The following HMCN1 variants were observed in gnomAD, a reference collection of about 807,000 sequenced individuals.
HMCN1 encodes hemicentin 1.
In HMCN1, 321 loss-of-function variants were observed where a neutral mutation model predicts 625.9. The ratio of observed to expected loss-of-function variants is 0.51; its 90% CI spans 0.47 to 0.56. HMCN1 has a LOEUF of 0.56. Ranked by LOEUF, HMCN1 falls within the 20% of genes least tolerant of loss-of-function variation. The pLI is 0.00. For missense variants in HMCN1, 6,588 were observed against 6,887.3 expected (o/e 0.96, Z 1.54); for synonymous variants, 2,425 against 2,417.6 (o/e 1.00, Z -0.09).
intron 81 of HMCN1, 24 bp from the exon 82 acceptor site, chr1:186,125,580 G>A: frequency 6.4e-7 from 1 of 1,573,724 alleles, no homozygotes; most frequent in Non-Finnish European, 8.7e-7. Context: ...CTTCCTGGAT[G>A]ACTCTTTTTT....
chr1:186,097,500 TC>T (rs1227066301), intron 68 of HMCN1, among the ~76,000 whole-genome samples: 16 of 73,732 alleles, frequency 2.2e-4, no homozygotes, highest in African/African-American at 1.4e-3. Context: ...ACAATAGCTA[TC>T]AAAAAAAAAA....
At chr1:186,024,567 A>G (rs1654936581) in intron 36 of HMCN1, among the ~76,000 whole-genome samples, 1 of 152,162 alleles carries the variant, frequency 6.6e-6, no homozygotes, top group Non-Finnish European at 1.5e-5. Flanking sequence ...GGCGCTTAGG[A>G]GTCAGGCCAA....
intron 1 of HMCN1, among the ~76,000 whole-genome samples, chr1:185,844,798 C>T (rs1661709048): frequency 6.6e-6 from 1 of 152,080 alleles, no homozygotes; most frequent in Non-Finnish European, 1.5e-5. Context: ...CATAAATGGC[C>T]ACTTTTAGTT....
At chr1:186,154,108 C>T (rs1351935437) in intron 97 of HMCN1, 121 bp downstream of exon 97, 5 of 819,382 alleles carry the variant, frequency 6.1e-6, no homozygotes, top group Non-Finnish European at 1.0e-5. Context: ...TGTGTGTTGT[C>T]TATGCCTTTT....
intron 35 of HMCN1, among the ~76,000 whole-genome samples, chr1:186,021,529 C>T (rs746988494): frequency 5.3e-5 from 8 of 152,034 alleles, no homozygotes; most frequent in Non-Finnish European, 1.2e-4. Context: ...GAAGAGAGGA[C>T]TGACCTAGTT....
intron 1 of HMCN1, among the ~76,000 whole-genome samples, chr1:185,738,985 T>G (rs1653790115): frequency 6.6e-6 from 1 of 152,082 alleles, no homozygotes; most frequent in Admixed American, 6.5e-5. Flanking sequence ...GTAGTGAGCA[T>G]AGTACCTGAT....
Position 185,734,606 on chromosome 1 carries a change from G to A in HMCN1, c.-174G>A, listed in dbSNP as rs1169649029. The A allele has an allele frequency of 7.6e-6, 5 of 661,442 alleles. No homozygotes were observed. Among genetic ancestry groups the A allele is most frequent in the Non-Finnish European group, 1.1e-5 (4 of 374,286 alleles). 41.0% of individuals were successfully genotyped at this position (661,442 alleles called of 1,614,324 possible). ...CCCTGCCCTGCCCAACCCCTGGAGG[G>A]ATTCGAGTTTGGTGCTTGTCCCCGT... On this transcript the variant is annotated 5_prime_UTR_variant, in exon 1 of 107. Transcript: ENST00000271588.
chr1:185,856,941 G>A (rs1367698721), intron 2 of HMCN1, among the ~76,000 whole-genome samples: 2 of 152,126 alleles, frequency 1.3e-5, no homozygotes, highest in East Asian at 1.9e-4. Context: ...GATTCAAACA[G>A]GGACTTCATT....
At chr1:186,157,449 T>C (rs982367016) in intron 97 of HMCN1, among the ~76,000 whole-genome samples, 5 of 152,214 alleles carry the variant, frequency 3.3e-5, no homozygotes, top group Admixed American at 6.5e-5. Context: ...CTCAAACATA[T>C]ACTGAATCCT....
chr1:186,036,162 T>C (rs1211794348), intron 36 of HMCN1, among the ~76,000 whole-genome samples: 2 of 152,200 alleles, frequency 1.3e-5, no homozygotes, highest in African/African-American at 2.4e-5. Context: ...CTTCTCCTTA[T>C]TGTAACATTT....
At chr1:185,771,663 T>C (rs749530895) in intron 1 of HMCN1, among the ~76,000 whole-genome samples, 10 of 152,156 alleles carry the variant, frequency 6.6e-5, no homozygotes, top group Non-Finnish European at 2.9e-5. Flanking sequence ...TAGTCACTGA[T>C]TGGATTTGTA....
At chr1:186,061,504 G>A (rs1223978040) in intron 46 of HMCN1, among the ~76,000 whole-genome samples, 1 of 152,102 alleles carries the variant, frequency 6.6e-6, no homozygotes, top group East Asian at 1.9e-4. Flanking sequence ...AGGTTTGGGT[G>A]GGGACACAGA....
rs544090302 is a variant in HMCN1, at chr1:185,997,895, A to G, written c.3874+371A>G. Reference sequence around the variant, plus strand: ...TTCCATATTTATCTCAACCAGGCAGAGGTATAATTAGGACTATTCCTTTGT... The same window carrying G: ...TTCCATATTTATCTCAACCAGGCAGGGGTATAATTAGGACTATTCCTTTGT... On this transcript the variant is annotated intron_variant, in intron 25 of 106. Transcript: ENST00000271588. 5.9e-5 allele frequency among the ~76,000 whole-genome samples: 9 copies of G among 151,720 alleles called. No homozygotes were observed. In the South Asian group the frequency reaches 1.9e-3, roughly 32 times the overall value.
chr1:185,829,028 TAATAA>T (rs1170462777), intron 1 of HMCN1, among the ~76,000 whole-genome samples: 2 of 152,056 alleles, frequency 1.3e-5, no homozygotes, highest in East Asian at 1.9e-4. Flanking sequence ...AACTATTAGT[TAATAA>T]AATAAAATGT....
At chr1:186,172,850 T>A (rs534581462) in intron 102 of HMCN1, among the ~76,000 whole-genome samples, 5 of 152,054 alleles carry the variant, frequency 3.3e-5, no homozygotes, top group African/African-American at 1.2e-4. Flanking sequence ...ATGAGGAGAA[T>A]GAAACACCAT....
chr1:185,923,644 A>C lies in HMCN1; in HGVS notation c.1276A>C (p.Ile426Leu), dbSNP rs759303781. ...AGTATCAAGTGTTTCCTTTTCTAGTATTGTCCCAGGTGAGACATCATTTTA... is the reference window on the plus strand; with the variant it reads ...AGTATCAAGTGTTTCCTTTTCTAGTCTTGTCCCAGGTGAGACATCATTTTA... ...QRVSSVSFSS[I>L]VPDAPKVTMP... is the part of the protein sequence containing the mutation. The change falls in exon 8 of 107, where the codon ATT becomes CTT. Residue 426 changes from isoleucine to leucine, a missense_variant. Ile to Leu is a conservative substitution (Grantham distance 5, BLOSUM62 2). This residue lies in a region of HMCN1 where 4,628 missense variants were observed against 4,853.1 expected (regional missense o/e 0.95). Coordinates refer to ENST00000271588, the MANE Select transcript of HMCN1 (RefSeq NM_031935.3). The C allele has an allele frequency of 5.0e-6, 8 of 1,602,452 alleles. No individual in the cohort carries two copies. The South Asian group carries it at 7.7e-5, about 15-fold the overall frequency.
intron 9 of HMCN1, 68 bp from the exon 10 acceptor site, chr1:185,928,478 G>C: frequency 7.7e-7 from 1 of 1,295,812 alleles, no homozygotes; most frequent in Non-Finnish European, 1.1e-6. Context: ...AAAAGAAATA[G>C]TTAATCATTG....
intron 1 of HMCN1, among the ~76,000 whole-genome samples, chr1:185,806,754 A>G (rs1659198703): frequency 6.6e-6 from 1 of 152,158 alleles, no homozygotes; most frequent in Non-Finnish European, 1.5e-5. Context: ...AATGTAACCC[A>G]CTACAAAGTT....
intron 48 of HMCN1, among the ~76,000 whole-genome samples, chr1:186,064,933 T>TA (rs1226433670): frequency 6.6e-6 from 1 of 152,114 alleles, no homozygotes; most frequent in Non-Finnish European, 1.5e-5. Flanking sequence ...TGTAATAGTC[T>TA]AAAAAATAGT....
Sources: allele counts gnomAD v4.1 joint callset (sites outside exome capture counted in the v4.1 genomes callset), GRCh38; gene constraint gnomAD v4.1.1; regional missense constraint gnomAD v4.1.1; transcripts MANE v1.5; gene names NCBI Gene and HGNC (gene_info 2026-07-23, HGNC 2026-07-21).